CREG2: variants seen among roughly 807,000 people sequenced by gnomAD.
CREG2 encodes the protein protein CREG2.
A neutral mutation model predicts 26.2 loss-of-function variants in CREG2; 24 were observed. The ratio of observed to expected loss-of-function variants is 0.92; its 90% CI spans 0.66 to 1.29. The LOEUF (loss-of-function observed/expected upper bound fraction) is 1.29, where lower values mean the gene tolerates loss of function less well. Ranked by LOEUF, CREG2 falls within the 50% of genes most tolerant of loss-of-function variation. The pLI, the probability that CREG2 is intolerant of heterozygous loss-of-function variation, is 0.00. For missense variants in CREG2, 366 were observed against 398.6 expected (o/e 0.92, Z 0.70); for synonymous variants, 174 against 169.2 (o/e 1.03, Z -0.22).
intron 2 of CREG2, chr2:101,382,524 T>G: frequency 1.0e-6 from 1 of 985,164 alleles, no homozygotes; most frequent in Non-Finnish European, 1.2e-6. Context: ...AGGGAGAATA[T>G]TCCATGAGAA....
At chr2:101,375,965 G>T in intron 2 of CREG2, 1 of 177,698 alleles carries the variant, frequency 5.6e-6, no homozygotes, top group South Asian at 1.3e-4. Flanking sequence ...CAGGCCTGTC[G>T]GCAGTTTCAG....
chr2:101,353,901 T>C (rs900337022), intron 3 of CREG2, among the ~76,000 whole-genome samples: 5 of 151,990 alleles, frequency 3.3e-5, no homozygotes, highest in African/African-American at 9.7e-5. Flanking sequence ...CACTCATAAG[T>C]GGGAGTTGAA....
At chr2:101,362,913 G>A in intron 2 of CREG2, among the ~76,000 whole-genome samples, 1 of 152,108 alleles carries the variant, frequency 6.6e-6, no homozygotes, top group Non-Finnish European at 1.5e-5. Flanking sequence ...CCTGCCTGAG[G>A]ACCCTGGTGG....
In CREG2 at chr2:101,346,164, G is replaced by A. The variant is rs1171522816; in HGVS notation, c.*4759C>T. 1.3e-5 allele frequency: 2 copies of A among 152,014 alleles called. No individual in the cohort carries two copies. Among genetic ancestry groups the A allele is most frequent in the East Asian group, 1.9e-4 (1 of 5,196 alleles). The allele number at this position is 152,014 out of a possible 1,614,324, so 9.4% of individuals were successfully genotyped here. ...TAGAAATACTTTTCAACCAAAAAGC[G>A]ACTCTCTTATAAACAGCTAATATAT... On this transcript the variant is annotated 3_prime_UTR_variant, in exon 4 of 4. Transcript: ENST00000324768.
intron 2 of CREG2, chr2:101,376,014 G>A (rs75531201): frequency 0.01 from 2,117 of 211,348 alleles, 54 homozygotes; most frequent in African/African-American, 0.046. Flanking sequence ...CAACTGTCAC[G>A]ACATGGGCAT....
intron 2 of CREG2, among the ~76,000 whole-genome samples, chr2:101,360,532 C>T (rs1187246930): frequency 4.6e-5 from 7 of 152,022 alleles, no homozygotes; most frequent in Non-Finnish European, 8.8e-5. Flanking sequence ...ATCAGGAATT[C>T]GAGACCAGCC....
chr2:101,360,337 C>A (rs1684521144), intron 2 of CREG2, among the ~76,000 whole-genome samples: 1 of 152,164 alleles, frequency 6.6e-6, no homozygotes, highest in African/African-American at 2.4e-5. Context: ...TGTTCCTGGA[C>A]ATGCACTGAG....
At chr2:101,359,664 C>T (rs534015373) in intron 2 of CREG2, among the ~76,000 whole-genome samples, 5 of 152,338 alleles carry the variant, frequency 3.3e-5, no homozygotes, top group Non-Finnish European at 5.9e-5. Context: ...CTGGCCTGCT[C>T]ATGTCTGACT....
chr2:101,370,559 C>T (rs1172099270), intron 2 of CREG2, among the ~76,000 whole-genome samples: 1 of 152,136 alleles, frequency 6.6e-6, no homozygotes, highest in Non-Finnish European at 1.5e-5. Context: ...AATTAGAAGC[C>T]CTTTTCTCTA....
intron 2 of CREG2, among the ~76,000 whole-genome samples, chr2:101,369,452 C>A (rs778572223): frequency 2.6e-5 from 4 of 152,076 alleles, no homozygotes; most frequent in Non-Finnish European, 4.4e-5. Flanking sequence ...GGACTTGGGT[C>A]TAGAGCTCAG....
chr2:101,350,933 C>T lies in CREG2; in HGVS notation c.863G>A (p.Arg288Lys), dbSNP rs1344203984. Residue 288 changes from arginine (R) to lysine (K), a missense_variant, in exon 4 of 4, where the codon AGA becomes AAA. By Grantham distance (26) the Arg-to-Lys change is conservative. Transcript: ENST00000324768. Reference protein sequence around the residue: ...SREEYFKAVPRKA With the variant: ...SREEYFKAVPKKA ...TTTCTTCTCACTCCATCAGGCCTTT[C>T]TGGGAACTGCTTTGAAATATTCCTC... is the stretch of plus-strand genomic sequence containing the variant. 3.1e-6 allele frequency: 5 copies of T among 1,613,990 alleles called. No individual in the cohort carries two copies. Among genetic ancestry groups the T allele is most frequent in the Non-Finnish European group, 4.2e-6 (5 of 1,179,980 alleles).
At chr2:101,380,052 T>C (rs1486532688) in intron 2 of CREG2, among the ~76,000 whole-genome samples, 1 of 144,228 alleles carries the variant, frequency 6.9e-6, no homozygotes, top group Non-Finnish European at 1.6e-5. Flanking sequence ...CATCTATTCA[T>C]CCATCCATCC....
At chr2:101,352,732 C>A (rs1684400986) in intron 3 of CREG2, among the ~76,000 whole-genome samples, 2 of 152,170 alleles carry the variant, frequency 1.3e-5, no homozygotes, top group African/African-American at 4.8e-5. Flanking sequence ...CACTTGAACC[C>A]AGGAGGCAGA....
intron 2 of CREG2, among the ~76,000 whole-genome samples, chr2:101,363,606 G>A (rs1684576165): frequency 1.3e-5 from 2 of 152,162 alleles, no homozygotes; most frequent in South Asian, 4.1e-4. Context: ...TACGTTTTTT[G>A]AGGATTTCAG....
At position 101,387,028 on chromosome 2, in the gene CREG2, T is replaced by C. The variant is rs2104491131; in HGVS notation, c.430A>G (p.Thr144Ala). The change falls in exon 1 of 4, where the codon ACC (threonine) becomes GCC (alanine). Residue 144 changes from threonine to alanine, a missense_variant. Coordinates refer to ENST00000324768, the MANE Select transcript of CREG2 (RefSeq NM_153836.4). This position sits in a 1 kb window ranked among gnomAD's most constrained non-coding sequence, Gnocchi z 4.7. ...CGCCGGGCGCTCACCTTCTTGTGGG[T>C]GGACACGGTGGCCAGGCAGCCCCAG... ...SVWGCLATVS[T>A]HKKIQGLPFG... 1 of 1,231,814 alleles carries C rather than the reference T, an allele frequency of 8.1e-7. No homozygotes were observed. Among genetic ancestry groups the C allele is most frequent in the Non-Finnish European group, 1.0e-6 (1 of 988,418 alleles). The allele number at this position is 1,231,814 out of a possible 1,614,324, so 76.3% of individuals were successfully genotyped here.
Position 101,350,506 on chromosome 2 carries a change from T to C in CREG2, c.*417A>G. On this transcript the variant is annotated 3_prime_UTR_variant, in exon 4 of 4. Coordinates refer to ENST00000324768, the MANE Select transcript of CREG2 (RefSeq NM_153836.4). The stretch of plus-strand genomic sequence containing the variant: ...AGCTGCTTCGTGGTCACAGTGAACT[T>C]AGAACCAAGACTGCATTTGGCAGAG... 6.3e-6 allele frequency: 1 copy of C among 158,140 alleles called. No homozygotes were observed. Among genetic ancestry groups the C allele is most frequent in the Non-Finnish European group, 1.4e-5 (1 of 72,058 alleles). The allele number at this position is 158,140 out of a possible 1,614,324, so 9.8% of individuals were successfully genotyped here. A position where few individuals can be genotyped will look rare whatever the true frequency, so the allele number is the denominator to read the frequency against.
At chr2:101,386,980 A>G in intron 1 of CREG2, 37 bp downstream of exon 1, 1 of 1,230,882 alleles carries the variant, frequency 8.1e-7, no homozygotes, top group Non-Finnish European at 1.0e-6. Context: ...CGCCGCCTGA[A>G]TGCCAGGCCC....
At chr2:101,366,436 C>T (rs1684619243) in intron 2 of CREG2, among the ~76,000 whole-genome samples, 1 of 152,114 alleles carries the variant, frequency 6.6e-6, no homozygotes. Flanking sequence ...TACAGTTGGC[C>T]TTCCACATCC....
intron 3 of CREG2, among the ~76,000 whole-genome samples, chr2:101,354,146 T>G (rs1341580531): frequency 6.6e-6 from 1 of 151,994 alleles, no homozygotes; most frequent in African/African-American, 2.4e-5. Flanking sequence ...AAATAGGAAA[T>G]GAACCTAATG....
Sources: allele counts gnomAD v4.1 joint callset (sites outside exome capture counted in the v4.1 genomes callset), GRCh38; gene constraint gnomAD v4.1.1; non-coding constraint Gnocchi (gnomAD v3.1); transcripts MANE v1.5; gene names NCBI Gene and HGNC (gene_info 2026-07-23, HGNC 2026-07-21).